The following GALNT11 variants were observed in gnomAD, a reference collection of about 807,000 sequenced individuals.
The protein encoded by GALNT11 is polypeptide N-acetylgalactosaminyltransferase 11, also known as UDP-GalNAc:polypeptide N-acetylgalactosaminyltransferase 11.
In GALNT11, 47 loss-of-function variants were observed where a neutral mutation model predicts 72.7. The ratio of observed to expected loss-of-function variants is 0.65; its 90% CI spans 0.51 to 0.82. GALNT11 has a LOEUF of 0.82. Ranked by LOEUF, GALNT11 falls within the 40% of genes least tolerant of loss-of-function variation. The pLI is 0.00. For synonymous variants in GALNT11, 270 were observed against 286.6 expected, an observed-to-expected ratio of 0.94 and a Z score of 0.58; for missense variants, 677 against 778.4, an observed-to-expected ratio of 0.87 and a Z score of 1.55.
chr7:152,094,685 G>A lies in GALNT11; in HGVS notation c.295+163G>A, dbSNP rs985692817. On this transcript the variant is annotated intron_variant, in intron 2 of 11. Coordinates refer to ENST00000430044, the MANE Select transcript of GALNT11 (RefSeq NM_022087.4). This position sits in a 1 kb window ranked among gnomAD's most constrained non-coding sequence, Gnocchi z 4.3. The stretch of plus-strand genomic sequence containing the variant: ...TTCTGTGGTTTCTGCAGACTCAGTG[G>A]GGAGTTATATTCTAATTTATCCAGT... Among the ~76,000 whole-genome samples, 1 of 152,194 alleles carries A rather than the reference G, an allele frequency of 6.6e-6. No individual in the cohort carries two copies. The highest frequency in any genetic ancestry group is 2.1e-4 in the South Asian group (1 of 4,832).
At chr7:152,103,664 C>T (rs2087212956) in intron 4 of GALNT11, 1 of 176,690 alleles carries the variant, frequency 5.7e-6, no homozygotes, top group South Asian at 1.4e-4. Context: ...GTCATTCTGT[C>T]ACACAGGTGG....
rs190356067 is a variant in GALNT11, at chr7:152,055,845, T to C, written c.-39+29961T>C. Among the ~76,000 whole-genome samples the C allele has an allele frequency of 2.3e-3, 352 of 152,214 alleles. 1 individual carries two copies. The highest frequency in any genetic ancestry group is 8.2e-3 in the African/African-American group (339 of 41,526). On this transcript the variant is annotated intron_variant, in intron 1 of 11. Transcript: ENST00000430044. Reference sequence around the variant, plus strand: ...ATTTTGTTTTGTGATAATTGTAGATTCACATGTAATTATAAGAAATAATAT... The same window carrying C: ...ATTTTGTTTTGTGATAATTGTAGATCCACATGTAATTATAAGAAATAATAT...
rs1250506772 is a variant in GALNT11 at position 152,120,843 on chromosome 7, A to G, written c.1570A>G (p.Asn524Asp). The G allele has an allele frequency of 2.5e-6, 4 of 1,606,668 alleles. No homozygotes were observed. The highest frequency in any genetic ancestry group is 4.5e-5 in the East Asian group (2 of 44,828). Reference protein sequence around the residue: ...YSDPNQIWIYNEEHELVLNSL... With the variant: ...YSDPNQIWIYDEEHELVLNSL... The stretch of plus-strand genomic sequence containing the variant: ...TTTTCTTCTCTAGATCTGGATCTAT[A>G]ATGAAGAGCATGAATTGGTTTTAAA... Residue 524 changes from asparagine to aspartate, a missense_variant, in exon 11 of 12, where the codon AAT becomes GAT. Transcript: ENST00000430044.
At chr7:152,112,452 A>G (rs2088334731) in intron 7 of GALNT11, among the ~76,000 whole-genome samples, 1 of 152,014 alleles carries the variant, frequency 6.6e-6, no homozygotes, top group African/African-American at 2.4e-5. Context: ...GAGGCAGGAG[A>G]ATCGCTTGAA....
intron 1 of GALNT11, among the ~76,000 whole-genome samples, chr7:152,092,941 G>C (rs10238767): frequency 6.6e-6 from 1 of 152,114 alleles, no homozygotes; most frequent in Non-Finnish European, 1.5e-5. Flanking sequence ...AAGCTTAGGA[G>C]AAATTGCCAG....
chr7:152,030,261 G>A (rs550769972), intron 1 of GALNT11, among the ~76,000 whole-genome samples: 20 of 152,148 alleles, frequency 1.3e-4, no homozygotes, highest in Non-Finnish European at 2.6e-4. Flanking sequence ...GCTAGATCAC[G>A]GGACGCTGGT....
chr7:152,028,927 C>A (rs2082173948), intron 1 of GALNT11, among the ~76,000 whole-genome samples: 1 of 152,062 alleles, frequency 6.6e-6, no homozygotes, highest in African/African-American at 2.4e-5. Flanking sequence ...CTAGAGGAAA[C>A]AAATTTGAAA....
chr7:152,046,343 T>G (rs1475428138), intron 1 of GALNT11, among the ~76,000 whole-genome samples: 1 of 152,194 alleles, frequency 6.6e-6, no homozygotes, highest in Non-Finnish European at 1.5e-5. Flanking sequence ...AGATTAAGTC[T>G]GATATATCTT....
chr7:152,120,585 T>A (rs752243779), intron 10 of GALNT11: 6 of 426,508 alleles, frequency 1.4e-5, no homozygotes, highest in Admixed American at 4.0e-5. Context: ...AAGAGTTAAT[T>A]CAGTCAAATT....
chr7:152,052,934 C>T (rs1367420317), intron 1 of GALNT11, among the ~76,000 whole-genome samples: 1 of 152,208 alleles, frequency 6.6e-6, no homozygotes, highest in East Asian at 1.9e-4. Context: ...GTCACTAAGG[C>T]TTGAAAGCTG....
intron 1 of GALNT11, among the ~76,000 whole-genome samples, chr7:152,075,710 C>A (rs900464630): frequency 2.0e-5 from 3 of 151,266 alleles, no homozygotes; most frequent in South Asian, 2.1e-4. Context: ...GCAGGAGAAT[C>A]GCTTGAACCC....
At chr7:152,121,243 G>A (rs749127024) in intron 11 of GALNT11, among the ~76,000 whole-genome samples, 2 of 152,240 alleles carry the variant, frequency 1.3e-5, no homozygotes, top group African/African-American at 4.8e-5. Context: ...CTGTGGTTGC[G>A]CAGTGGCTCC....
intron 5 of GALNT11, among the ~76,000 whole-genome samples, chr7:152,106,113 T>A (rs1026880500): frequency 1.3e-5 from 2 of 152,236 alleles, no homozygotes; most frequent in Non-Finnish European, 1.5e-5. Flanking sequence ...AAAACATTTT[T>A]AAATAAATGT....
chr7:152,035,624 C>T lies in GALNT11; in HGVS notation c.-39+9740C>T, dbSNP rs150530259. ...CCAGGCAAACCAACACTCCCAACTC[C>T]GAAGAGTCAGGGGTTGTTAGAGAGC... On this transcript the variant is annotated intron_variant, in intron 1 of 11. Transcript: ENST00000430044. Among the ~76,000 whole-genome samples, 849 of 152,270 alleles carry T rather than the reference C, an allele frequency of 5.6e-3. 5 individuals carry two copies. Among genetic ancestry groups the T allele is most frequent in the Admixed American group, 7.5e-3 (114 of 15,296 alleles).
intron 1 of GALNT11, among the ~76,000 whole-genome samples, chr7:152,073,088 C>A (rs1451293046): frequency 6.6e-6 from 1 of 152,150 alleles, no homozygotes; most frequent in Non-Finnish European, 1.5e-5. Context: ...CGTAACGTAT[C>A]AGTGATCAGA....
At position 152,094,073 on chromosome 7, in the gene GALNT11, A is replaced by G; in HGVS notation, c.-38-117A>G. On this transcript the variant is annotated intron_variant, in intron 1 of 11. Transcript: ENST00000430044. This position sits in a 1 kb window ranked among gnomAD's most constrained non-coding sequence, Gnocchi z 4.3. ...TCCATACATCTTCTTGTATTTGAATATCCGTTAACTGTACGCATAGTGGTC... is the reference window on the plus strand; with the variant it reads ...TCCATACATCTTCTTGTATTTGAATGTCCGTTAACTGTACGCATAGTGGTC... The G allele has an allele frequency of 2.5e-6, 2 of 797,800 alleles. No individual in the cohort carries two copies. The highest frequency in any genetic ancestry group is 3.9e-6 in the Non-Finnish European group (2 of 506,882). 49.4% of individuals were successfully genotyped at this position (797,800 alleles called of 1,614,324 possible).
At position 152,113,369 on chromosome 7, in the gene GALNT11, C is replaced by T. The variant is rs1467331901; in HGVS notation, c.1204C>T (p.Leu402=). The T allele has an allele frequency of 6.2e-7, 1 of 1,613,862 alleles. No individual in the cohort carries two copies. The highest frequency in any genetic ancestry group is 8.5e-7 in the Non-Finnish European group (1 of 1,179,924). Residue 402 remains leucine (L), a synonymous_variant, in exon 8 of 12, where the codon CTG becomes TTG. Coordinates refer to ENST00000430044, the MANE Select transcript of GALNT11 (RefSeq NM_022087.4). ...CACCATGACACACAACTCTTTGCGGCTGGCACATGTCTGGTTGGATGAATA... is the reference window on the plus strand; with the variant it reads ...CACCATGACACACAACTCTTTGCGGTTGGCACATGTCTGGTTGGATGAATA... ...QDTMTHNSLR[L]AHVWLDEYKE... is the part of the protein sequence containing the mutation.
chr7:152,110,499 A>C (rs1244074048), intron 6 of GALNT11, 29 bp from the exon 7 acceptor site: 1 of 1,509,810 alleles, frequency 6.6e-7, no homozygotes, highest in South Asian at 1.2e-5. Flanking sequence ...GACTATAAGG[A>C]ATGAGTACAG....
chr7:152,120,427 C>G, intron 10 of GALNT11: 1 of 192,656 alleles, frequency 5.2e-6, no homozygotes, highest in Non-Finnish European at 1.1e-5. Flanking sequence ...TGTGCACTTC[C>G]TGACTGCCCC....
Sources: allele counts gnomAD v4.1 joint callset (sites outside exome capture counted in the v4.1 genomes callset), GRCh38; gene constraint gnomAD v4.1.1; non-coding constraint Gnocchi (gnomAD v3.1); transcripts MANE v1.5; gene names NCBI Gene and HGNC (gene_info 2026-07-23, HGNC 2026-07-21).